Variants in SP9 observed in about 807,000 individuals in gnomAD.
The protein encoded by SP9 is Sp9 transcription factor.
A neutral mutation model predicts 23.0 loss-of-function variants in SP9; 5 were observed. That is an observed-to-expected ratio of 0.22 (90% confidence interval 0.11 to 0.46). The LOEUF is 0.46. Among genes scored for constraint, SP9 ranks in the 20% least tolerant of loss-of-function variants. The pLI is 0.99. For missense variants in SP9, 542 were observed against 724.0 expected (o/e 0.75, Z 2.88); for synonymous variants, 360 against 356.5 (o/e 1.01, Z -0.11).
At chr2:174,335,298 T>C in intron 1 of SP9, 185 bp downstream of exon 1, 1 of 590,276 alleles carries the variant, frequency 1.7e-6, no homozygotes, top group Non-Finnish European at 3.0e-6. Flanking sequence ...AAGATGCCTT[T>C]GCAAGAAAAG....
At position 174,337,441 on chromosome 2, in the gene SP9, C is replaced by T; in HGVS notation, c.1356C>T (p.Ala452=). ...TCCTGCATGACTCCGGCGTCAGTGC[C>T]GCCCGGGCGGCGGCAGCGGCGGCGG... ...DLILHDSGVS[A]ARAAAAAAAA... The change falls in exon 2 of 2, where the codon GCC becomes GCT. Residue 452 remains alanine, a synonymous_variant. Transcript: ENST00000394967. 1.5e-6 allele frequency: 2 copies of T among 1,326,126 alleles called. No homozygotes were observed. The highest frequency in any genetic ancestry group is 2.7e-5 in the South Asian group (1 of 36,578). 82.1% of individuals were successfully genotyped at this position (1,326,126 alleles called of 1,614,324 possible).
rs747214060 is a variant in SP9, at chr2:174,336,657, T to G, written c.572T>G (p.Leu191Arg). Residue 191 changes from leucine to arginine, a missense_variant, in exon 2 of 2, where the codon CTG (leucine) becomes CGG (arginine). Transcript: ENST00000394967. ...WDVHSSPGSWLEVQNPAGGLQ... is the reference protein window; with the variant it reads ...WDVHSSPGSWREVQNPAGGLQ... ...GTGCACAGCAGCCCGGGCTCGTGGC[T>G]GGAAGTGCAGAACCCCGCTGGGGGG... is the stretch of plus-strand genomic sequence containing the variant. The G allele has an allele frequency of 2.7e-6, 4 of 1,504,306 alleles. No homozygotes were observed. The South Asian group carries it at 3.7e-5, about 14-fold the overall frequency. The allele number at this position is 1,504,306 out of a possible 1,614,324, so 93.2% of individuals were successfully genotyped here.
In SP9 at chr2:174,336,717, C is replaced by T. The variant is rs1574613657; in HGVS notation, c.632C>T (p.Ala211Val). ...TCGCTGCACTCGGGCGCCCCCCAGG[C>T]CTCGCTGCACTCGCAGCTGGGCACC... ...QSSLHSGAPQASLHSQLGTYN... is the reference protein window; with the variant it reads ...QSSLHSGAPQVSLHSQLGTYN... The change falls in exon 2 of 2, where the codon GCC becomes GTC. Residue 211 changes from alanine to valine, a missense_variant. Transcript: ENST00000394967. The T allele has an allele frequency of 6.5e-7, 1 of 1,527,310 alleles. No individual in the cohort carries two copies. Among genetic ancestry groups the T allele is most frequent in the Middle Eastern group, 1.7e-4 (1 of 5,920 alleles). 94.6% of individuals were successfully genotyped at this position (1,527,310 alleles called of 1,614,324 possible).
intron 1 of SP9, chr2:174,335,323 G>A: frequency 1.9e-6 from 1 of 534,944 alleles, no homozygotes; most frequent in Non-Finnish European, 3.4e-6. Context: ...TCTTAATCAA[G>A]TCCTTTTTCA....
Position 174,337,468 on chromosome 2 carries a change from G to A in SP9, c.1383G>A (p.Ala461=). 3 of 1,212,492 alleles carry A rather than the reference G, an allele frequency of 2.5e-6. No homozygotes were observed. Among genetic ancestry groups the A allele is most frequent in the Non-Finnish European group, 2.1e-6 (2 of 956,930 alleles). 75.1% of individuals were successfully genotyped at this position (1,212,492 alleles called of 1,614,324 possible). The change falls in exon 2 of 2, where the codon GCG becomes GCA. Residue 461 remains alanine (A), a synonymous_variant. Transcript: ENST00000394967. ...SAARAAAAAA[A]AAAAAAAAAS... ...CCCGGGCGGCGGCAGCGGCGGCGGC[G>A]GCAGCGGCGGCGGCGGCGGCGGCGG...
chr2:174,335,077 C>T lies in SP9; in HGVS notation c.-16C>T. 1 of 1,551,252 alleles carries T rather than the reference C, an allele frequency of 6.4e-7. No individual in the cohort carries two copies. The highest frequency in any genetic ancestry group is 1.4e-5 in the African/African-American group (1 of 73,190). ...CAGCCCCGCTCCCAGCCTCGCTGCGCAGCCAGAGACCTGCTATGGCCACGT... is the reference window on the plus strand; with the variant it reads ...CAGCCCCGCTCCCAGCCTCGCTGCGTAGCCAGAGACCTGCTATGGCCACGT... On this transcript the variant is annotated 5_prime_UTR_variant, in exon 1 of 2. Coordinates refer to ENST00000394967, the MANE Select transcript of SP9 (RefSeq NM_001145250.2).
Position 174,336,657 on chromosome 2 carries a change from T to A in SP9, c.572T>A (p.Leu191Gln). The A allele has an allele frequency of 6.6e-7, 1 of 1,504,306 alleles. No individual in the cohort carries two copies. The highest frequency in any genetic ancestry group is 8.8e-7 in the Non-Finnish European group (1 of 1,131,652). 93.2% of individuals were successfully genotyped at this position (1,504,306 alleles called of 1,614,324 possible). A position where few individuals can be genotyped will look rare whatever the true frequency, so the allele number is the denominator to read the frequency against. The stretch of plus-strand genomic sequence containing the variant: ...GTGCACAGCAGCCCGGGCTCGTGGC[T>A]GGAAGTGCAGAACCCCGCTGGGGGG... Reference protein sequence around the residue: ...WDVHSSPGSWLEVQNPAGGLQ... With the variant: ...WDVHSSPGSWQEVQNPAGGLQ... Residue 191 changes from leucine to glutamine, a missense_variant, in exon 2 of 2, where the codon CTG (leucine) becomes CAG (glutamine). Coordinates refer to ENST00000394967, the MANE Select transcript of SP9 (RefSeq NM_001145250.2).
rs1414730204 is a variant in SP9 at position 174,335,003 on chromosome 2, G to T, written c.-90G>T. The T allele has an allele frequency of 6.9e-7, 1 of 1,456,640 alleles. No individual in the cohort carries two copies. The highest frequency in any genetic ancestry group is 1.2e-5 in the South Asian group (1 of 81,922). The allele number at this position is 1,456,640 out of a possible 1,614,324, so 90.2% of individuals were successfully genotyped here. On this transcript the variant is annotated 5_prime_UTR_variant, in exon 1 of 2. Transcript: ENST00000394967. The stretch of plus-strand genomic sequence containing the variant: ...GTCCGCTCGGCACGAGCGCGGGGAC[G>T]CGGGAGCCGCGCGGGACCCAAGCAG...
chr2:174,337,814 CTG>C lies in SP9; in HGVS notation c.*276_*277del, dbSNP rs1297560350. On this transcript the variant is annotated 3_prime_UTR_variant, in exon 2 of 2. Coordinates refer to ENST00000394967, the MANE Select transcript of SP9 (RefSeq NM_001145250.2). ...TCCTCCGACACAAACACTTTAAAAA[CTG>C]TACTCCCAGACGTACACATACACCG... 1.5e-5 allele frequency: 3 copies of C among 196,838 alleles called. No homozygotes were observed. The highest frequency in any genetic ancestry group is 1.3e-4 in the Admixed American group (2 of 15,840). The allele number at this position is 196,838 out of a possible 1,614,324, so 12.2% of individuals were successfully genotyped here. A position where few individuals can be genotyped will look rare whatever the true frequency, so the allele number is the denominator to read the frequency against.
intron 1 of SP9, 51 bp downstream of exon 1, chr2:174,335,164 T>G (rs1684384834): frequency 3.2e-6 from 5 of 1,549,068 alleles, no homozygotes; most frequent in Non-Finnish European, 4.4e-6. Context: ...GGAGTAATTT[T>G]TCGTTATGGC....
At position 174,337,820 on chromosome 2, in the gene SP9, T is replaced by G; in HGVS notation, c.*280T>G. On this transcript the variant is annotated 3_prime_UTR_variant, in exon 2 of 2. Coordinates refer to ENST00000394967, the MANE Select transcript of SP9 (RefSeq NM_001145250.2). ...GACACAAACACTTTAAAAACTGTACTCCCAGACGTACACATACACCGGAGA... is the reference window on the plus strand; with the variant it reads ...GACACAAACACTTTAAAAACTGTACGCCCAGACGTACACATACACCGGAGA... 1 of 187,292 alleles carries G rather than the reference T, an allele frequency of 5.3e-6. No homozygotes were observed. The highest frequency in any genetic ancestry group is 1.0e-5 in the Non-Finnish European group (1 of 96,368). 11.6% of individuals were successfully genotyped at this position (187,292 alleles called of 1,614,324 possible).
chr2:174,337,622 G>A lies in SP9; in HGVS notation c.*82G>A. On this transcript the variant is annotated 3_prime_UTR_variant, in exon 2 of 2. Transcript: ENST00000394967. ...AGGTTCGGAGGGCGAGCGAGCGGGA[G>A]GCGGGAGGGCAGGGGCTTCAGTGAC... is the stretch of plus-strand genomic sequence containing the variant. 9.4e-7 allele frequency: 1 copy of A among 1,058,218 alleles called. No individual in the cohort carries two copies. The highest frequency in any genetic ancestry group is 1.1e-6 in the Non-Finnish European group (1 of 876,686). 65.6% of individuals were successfully genotyped at this position (1,058,218 alleles called of 1,614,324 possible).
At position 174,335,076 on chromosome 2, in the gene SP9, G is replaced by T; in HGVS notation, c.-17G>T. Reference sequence around the variant, plus strand: ...TCAGCCCCGCTCCCAGCCTCGCTGCGCAGCCAGAGACCTGCTATGGCCACG... The same window carrying T: ...TCAGCCCCGCTCCCAGCCTCGCTGCTCAGCCAGAGACCTGCTATGGCCACG... On this transcript the variant is annotated 5_prime_UTR_variant, in exon 1 of 2. Transcript: ENST00000394967. 1 of 1,551,170 alleles carries T rather than the reference G, an allele frequency of 6.4e-7. No individual in the cohort carries two copies. Among genetic ancestry groups the T allele is most frequent in the Non-Finnish European group, 8.7e-7 (1 of 1,146,536 alleles).
At position 174,337,480 on chromosome 2, in the gene SP9, G is replaced by T; in HGVS notation, c.1395G>T (p.Ala465=). Residue 465 remains alanine, a synonymous_variant, in exon 2 of 2, where the codon GCG becomes GCT. Coordinates refer to ENST00000394967, the MANE Select transcript of SP9 (RefSeq NM_001145250.2). ...CAGCGGCGGCGGCGGCAGCGGCGGC[G>T]GCGGCGGCGGCGGCCTCCGCGGGAG... ...AAAAAAAAAA[A]AAAAASAGGK... 8.6e-7 allele frequency: 1 copy of T among 1,168,876 alleles called. No individual in the cohort carries two copies. The highest frequency in any genetic ancestry group is 1.1e-6 in the Non-Finnish European group (1 of 935,460). The allele number at this position is 1,168,876 out of a possible 1,614,324, so 72.4% of individuals were successfully genotyped here.
chr2:174,335,723 T>G, intron 1 of SP9: 2 of 215,588 alleles, frequency 9.3e-6, no homozygotes, highest in Non-Finnish European at 1.8e-5. Flanking sequence ...CCGGTGTTTG[T>G]TGTCTCTGGT....
chr2:174,336,029 A>C, intron 1 of SP9, 78 bp from the exon 2 acceptor site: 4 of 1,378,434 alleles, frequency 2.9e-6, no homozygotes, highest in Non-Finnish European at 3.0e-6. Flanking sequence ...GAGGCTGCTC[A>C]CGGGTGCACT....
chr2:174,335,620 C>T, intron 1 of SP9: 1 of 171,432 alleles, frequency 5.8e-6, no homozygotes, highest in Admixed American at 6.0e-5. Context: ...CAAACGTTTT[C>T]TATTAAAAAA....
Position 174,336,114 on chromosome 2 carries a change from C to T in SP9, c.29C>T (p.Pro10Leu), listed in dbSNP as rs1011946214. ...CCATCCCACCCACTCTAGGAAGAGC[C>T]GCGCTTCGGAACGACCCCGTTGGCC... MATSILGEE[P>L]RFGTTPLAML... The change falls in exon 2 of 2, where the codon CCG becomes CTG. Residue 10 changes from proline to leucine, a missense_variant. Physicochemically the swap from Pro to Leu is moderately conservative, Grantham distance 98. Coordinates refer to ENST00000394967, the MANE Select transcript of SP9 (RefSeq NM_001145250.2). 5.2e-6 allele frequency: 8 copies of T among 1,550,162 alleles called. No individual in the cohort carries two copies. Among genetic ancestry groups the T allele is most frequent in the African/African-American group, 1.4e-5 (1 of 72,704 alleles).
intron 1 of SP9, chr2:174,335,427 G>A: frequency 2.5e-6 from 1 of 404,374 alleles, no homozygotes; most frequent in Non-Finnish European, 4.6e-6. Flanking sequence ...TTGCAATTAT[G>A]CGACAATGGT....
Sources: gnomAD v4.1 joint callset for allele counts on GRCh38, gnomAD v4.1.1 for gene constraint, MANE v1.5 for transcripts, NCBI Gene and HGNC (gene_info 2026-07-23, HGNC 2026-07-21) for gene names.